The following ADK variants were observed in gnomAD, a reference collection of about 807,000 sequenced individuals.
ADK encodes N6,N6-dimethyladenosine kinase.
In ADK, 24 loss-of-function variants were observed where a neutral mutation model predicts 44.7. The ratio of observed to expected loss-of-function variants is 0.54; its 90% CI spans 0.39 to 0.76. ADK has a LOEUF of 0.76. Ranked by LOEUF, ADK falls within the 30% of genes least tolerant of loss-of-function variation. The pLI is 0.00. For synonymous variants in ADK, 128 were observed against 142.6 expected (o/e 0.90, Z 0.73); for missense variants, 321 against 425.1 (o/e 0.76, Z 2.15).
intron 4 of ADK, among the ~76,000 whole-genome samples, chr10:74,385,991 GA>G (rs1426728689): frequency 1.3e-5 from 2 of 152,126 alleles, no homozygotes; most frequent in African/African-American, 4.8e-5. Flanking sequence ...TTTAAGGAAA[GA>G]AGCATAACAT....
intron 3 of ADK, among the ~76,000 whole-genome samples, chr10:74,249,203 AG>A (rs1277090250): frequency 6.6e-6 from 1 of 152,162 alleles, no homozygotes. Flanking sequence ...ATTTAGTGGG[AG>A]GAAGGCTCTA....
chr10:74,195,675 T>C, intron 1 of ADK, among the ~76,000 whole-genome samples: 1 of 147,046 alleles, frequency 6.8e-6, no homozygotes, highest in East Asian at 2.0e-4. Context: ...TCTTTTTCTT[T>C]CTTTCTTTCT....
intron 6 of ADK, among the ~76,000 whole-genome samples, chr10:74,474,261 G>A (rs936867546): frequency 2.0e-5 from 3 of 151,856 alleles, no homozygotes; most frequent in East Asian, 1.9e-4. Context: ...GTGCCACCAC[G>A]CCCAATTAAC....
At chr10:74,670,623 G>A (rs1855134604) in intron 10 of ADK, among the ~76,000 whole-genome samples, 1 of 152,130 alleles carries the variant, frequency 6.6e-6, no homozygotes, top group Non-Finnish European at 1.5e-5. Context: ...AAAACAAGTT[G>A]TGATGAATAT....
chr10:74,619,476 G>A (rs1852902433), intron 9 of ADK, among the ~76,000 whole-genome samples: 1 of 151,670 alleles, frequency 6.6e-6, no homozygotes, highest in Admixed American at 6.6e-5. Flanking sequence ...AAATCTAGTG[G>A]ATGCTTTATT....
At chr10:74,577,220 G>A (rs1332815368) in intron 7 of ADK, among the ~76,000 whole-genome samples, 2 of 150,068 alleles carry the variant, frequency 1.3e-5, no homozygotes, top group Non-Finnish European at 3.0e-5. Context: ...TGACTTCTTT[G>A]TAGATGTGGG....
intron 6 of ADK, among the ~76,000 whole-genome samples, chr10:74,426,000 A>G (rs1434757653): frequency 6.6e-6 from 1 of 152,158 alleles, no homozygotes; most frequent in Non-Finnish European, 1.5e-5. Flanking sequence ...TCTTGTTTGT[A>G]AATTTAATGT....
intron 1 of ADK, among the ~76,000 whole-genome samples, chr10:74,195,246 A>G (rs1179874405): frequency 6.6e-6 from 1 of 152,234 alleles, no homozygotes; most frequent in African/African-American, 2.4e-5. Flanking sequence ...GTAGAACAAG[A>G]TAAAAACAAA....
chr10:74,633,623 T>C (rs1355467923), intron 9 of ADK, among the ~76,000 whole-genome samples: 2 of 152,036 alleles, frequency 1.3e-5, no homozygotes, highest in African/African-American at 4.8e-5. Context: ...CCAAACTAAA[T>C]AGGGTAGGAA....
chr10:74,592,027 T>C (rs918405200), intron 8 of ADK, among the ~76,000 whole-genome samples: 1 of 151,904 alleles, frequency 6.6e-6, no homozygotes, highest in Non-Finnish European at 1.5e-5. Context: ...CTGCAAATTT[T>C]ACTTTTGTAA....
In ADK at chr10:74,483,651, T is replaced by C. The variant is rs569798408; in HGVS notation, c.556-41605T>C. 3.9e-5 allele frequency among the ~76,000 whole-genome samples: 6 copies of C among 152,340 alleles called. No individual in the cohort carries two copies. The South Asian group carries it at 1.0e-3, about 26-fold the overall frequency. On this transcript the variant is annotated intron_variant, in intron 6 of 10. Transcript: ENST00000539909. ...CTCTTTGCTCACATATATGAGCATA[T>C]GCTGTTAGAAGCAGACAGGATACAT...
intron 4 of ADK, among the ~76,000 whole-genome samples, chr10:74,339,510 A>G (rs1841517600): frequency 6.6e-6 from 1 of 152,122 alleles, no homozygotes; most frequent in African/African-American, 2.4e-5. Context: ...ATCTCAGCCT[A>G]TATCCCTTTT....
intron 7 of ADK, among the ~76,000 whole-genome samples, chr10:74,560,783 A>G (rs150056306): frequency 1.1e-3 from 164 of 152,300 alleles, no homozygotes; most frequent in African/African-American, 3.8e-3. Flanking sequence ...GCCTCATTCT[A>G]CATACTGTTC....
chr10:74,341,927 A>G (rs541414880), intron 4 of ADK, among the ~76,000 whole-genome samples: 28 of 152,328 alleles, frequency 1.8e-4, no homozygotes, highest in African/African-American at 5.8e-4. Flanking sequence ...TACTTAGCAC[A>G]AATGATATCA....
chr10:74,313,331 G>T (rs980567286), intron 3 of ADK, among the ~76,000 whole-genome samples: 6 of 150,850 alleles, frequency 4.0e-5, no homozygotes, highest in Admixed American at 6.6e-5. Context: ...TGTTTTTTTT[G>T]GGGGGGAGAG....
At chr10:74,281,377 T>C (rs139966087) in intron 3 of ADK, among the ~76,000 whole-genome samples, 131 of 152,354 alleles carry the variant, frequency 8.6e-4, no homozygotes, top group African/African-American at 2.5e-3. Flanking sequence ...AGCCAGTTCA[T>C]TGGGGGAAGT....
intron 3 of ADK, among the ~76,000 whole-genome samples, chr10:74,305,265 A>T (rs1840205719): frequency 6.6e-6 from 1 of 152,182 alleles, no homozygotes. Flanking sequence ...TACTTGCCCC[A>T]TGTCATATAA....
At chr10:74,324,147 C>T (rs902928819) in intron 4 of ADK, among the ~76,000 whole-genome samples, 4 of 152,142 alleles carry the variant, frequency 2.6e-5, no homozygotes, top group South Asian at 2.1e-4. Flanking sequence ...CTCTGCCTCC[C>T]GAGTAGCTGG....
intron 1 of ADK, among the ~76,000 whole-genome samples, chr10:74,157,985 A>G (rs928794712): frequency 1.3e-5 from 2 of 152,184 alleles, no homozygotes; most frequent in African/African-American, 4.8e-5. Context: ...ATGGCTGAGA[A>G]TTTACCAAAA....
Sources: gnomAD v4.1 joint callset for allele counts (sites outside exome capture counted in the v4.1 genomes callset) on GRCh38, gnomAD v4.1.1 for gene constraint, MANE v1.5 for transcripts, NCBI Gene and HGNC (gene_info 2026-07-23, HGNC 2026-07-21) for gene names.